CA4: variants seen among roughly 807,000 people sequenced by gnomAD.
CA4 encodes CA-IV.
Under a neutral mutation model 34.5 loss-of-function variants are expected in CA4, and 24 were observed. The ratio of observed to expected loss-of-function variants is 0.70; its 90% CI spans 0.50 to 0.98. The LOEUF (loss-of-function observed/expected upper bound fraction) is 0.98. Among genes scored for constraint, CA4 ranks in the 50% least tolerant of loss-of-function variants. The probability of loss-of-function intolerance (pLI) is 0.00; values close to 1 mark genes in which losing one functional copy is unlikely to be tolerated. For synonymous variants in CA4, 178 were observed against 170.6 expected (o/e 1.04, Z -0.34); for missense variants, 394 against 396.7 (o/e 0.99, Z 0.06).
At chr17:60,168,653 A>G (rs748291575) in intron 5 of CA4, among the ~76,000 whole-genome samples, 42 of 151,998 alleles carry the variant, frequency 2.8e-4, no homozygotes, top group Non-Finnish European at 5.4e-4. Flanking sequence ...TGAAGGGAGC[A>G]GTGAGCAACT....
intron 1 of CA4, among the ~76,000 whole-genome samples, chr17:60,154,964 G>T (rs2083652011): frequency 6.6e-6 from 1 of 152,180 alleles, no homozygotes; most frequent in Admixed American, 6.5e-5. Context: ...CAGGTTTGGG[G>T]TGGGGGAGGT....
intron 7 of CA4, chr17:60,158,855 C>G (rs2083744923): frequency 9.6e-6 from 4 of 416,484 alleles, no homozygotes; most frequent in Non-Finnish European, 1.8e-5. Context: ...ATCCTCAGAG[C>G]TACTGAATCA....
In CA4 at chr17:60,158,370, C is replaced by A; in HGVS notation, c.668C>A (p.Ser223Ter). The change falls in exon 7 of 8, where the codon TCA becomes TAA. Residue 223 changes from serine (S) to a stop codon, truncating the protein, a stop_gained. Coordinates refer to ENST00000300900, the MANE Select transcript of CA4 (RefSeq NM_000717.5). LOFTEE classifies it high-confidence loss of function. ...AGGCACTACTTCCGCTACCTGGGCT[C>A]ACTCACCACACCGACCTGCGATGAG... is the stretch of plus-strand genomic sequence containing the variant. The part of the protein sequence containing the change: ...KLRHYFRYLG[S>*]LTTPTCDEKV... 1 of 1,614,174 alleles carries A rather than the reference C, an allele frequency of 6.2e-7. No individual in the cohort carries two copies. Among genetic ancestry groups the A allele is most frequent in the African/African-American group, 1.3e-5 (1 of 75,048 alleles).
At chr17:60,161,391 TG>T (rs2083786986), downstream of CA4, among the ~76,000 whole-genome samples, 1 of 151,728 alleles carries the variant, frequency 6.6e-6, no homozygotes, top group Non-Finnish European at 1.5e-5. Context: ...AGCCTTGGAG[TG>T]GGGTTGGCTG....
rs772213631 is a variant in CA4, at chr17:60,157,613, G to A, written c.414+41G>A. On this transcript the variant is annotated intron_variant, in intron 4 of 7. Transcript: ENST00000300900. Reference sequence around the variant, plus strand: ...CGACTGGGACCTTGTCTGGGCTCTGGGCGCGCACCTGCCTTGGGCAAGGAG... The same window carrying A: ...CGACTGGGACCTTGTCTGGGCTCTGAGCGCGCACCTGCCTTGGGCAAGGAG... 3.8e-5 allele frequency: 62 copies of A among 1,614,030 alleles called. No homozygotes were observed. In the East Asian group the frequency reaches 1.4e-3, roughly 35 times the overall value.
chr17:60,166,783 C>T (rs1292864040), intron 5 of CA4, among the ~76,000 whole-genome samples: 1 of 152,132 alleles, frequency 6.6e-6, no homozygotes, highest in African/African-American at 2.4e-5. Context: ...ATGGCGAAAC[C>T]CTGTCTCTAC....
Position 60,150,089 on chromosome 17 carries a change from G to A in CA4, c.55G>A (p.Ala19Thr), listed in dbSNP as rs1405732783. The stretch of plus-strand genomic sequence containing the variant: ...CTCCGCGGCGCGGCCATCGGCCAGT[G>A]CAGGTGAGCTCCCGGGCTCCGGCCC... ...ALSAARPSASAESHWCYEVQA... is the reference protein window; with the variant it reads ...ALSAARPSASTESHWCYEVQA... The change falls in exon 1 of 8, where the codon GCA (alanine) becomes ACA (threonine). Residue 19 changes from alanine to threonine, a missense_variant. Ala to Thr is a moderately conservative substitution (Grantham distance 58). Coordinates refer to ENST00000300900, the MANE Select transcript of CA4 (RefSeq NM_000717.5). The A allele has an allele frequency of 1.9e-6, 3 of 1,597,556 alleles. No homozygotes were observed. The highest frequency in any genetic ancestry group is 3.3e-5 in the Admixed American group (2 of 59,872).
chr17:60,159,675 G>A (rs2083763254), downstream of CA4: 6 of 594,710 alleles, frequency 1.0e-5, no homozygotes, highest in Middle Eastern at 8.9e-4. Flanking sequence ...GTACCACCAG[G>A]TGTCCCCACT....
intron 1 of CA4, among the ~76,000 whole-genome samples, chr17:60,155,060 C>G (rs2083653265): frequency 1.3e-5 from 2 of 152,212 alleles, no homozygotes; most frequent in Non-Finnish European, 2.9e-5. Flanking sequence ...GAGGGCTTCC[C>G]TGGAGGGCCA....
At chr17:60,156,301 AACCCTGTTCCC>A (rs1271817139) in intron 2 of CA4, among the ~76,000 whole-genome samples, 1 of 152,188 alleles carries the variant, frequency 6.6e-6, no homozygotes, top group African/African-American at 2.4e-5. Context: ...AACAGTTGGC[AACCCTGTTCCC>A]ACCCTGTTCC....
intron 7 of CA4, 79 bp downstream of exon 7, chr17:60,158,525 T>G (rs1184518812): frequency 2.1e-6 from 3 of 1,422,052 alleles, no homozygotes; most frequent in Non-Finnish European, 2.9e-6. Context: ...CCCTCAGAGG[T>G]CCCTCAGGAT....
At chr17:60,156,388 G>A (rs2083684382) in intron 2 of CA4, among the ~76,000 whole-genome samples, 172 bp from the exon 3 acceptor site, 1 of 152,150 alleles carries the variant, frequency 6.6e-6, no homozygotes, top group East Asian at 1.9e-4. Flanking sequence ...GAGGGCCCAG[G>A]GAGGGCGAGA....
intron 5 of CA4, among the ~76,000 whole-genome samples, chr17:60,165,229 A>G (rs1338139050): frequency 6.6e-6 from 1 of 152,096 alleles, no homozygotes; most frequent in Non-Finnish European, 1.5e-5. Flanking sequence ...TATCCAAGGG[A>G]GAAAACTTAA....
At chr17:60,164,833 A>G (rs2145299367) in intron 5 of CA4, among the ~76,000 whole-genome samples, 1 of 152,078 alleles carries the variant, frequency 6.6e-6, no homozygotes, top group Non-Finnish European at 1.5e-5. Context: ...CAGGTTTACG[A>G]CACAGAAGCC....
intron 2 of CA4, 74 bp from the exon 3 acceptor site, chr17:60,156,486 C>T: frequency 6.7e-7 from 1 of 1,482,740 alleles, no homozygotes; most frequent in Non-Finnish European, 9.4e-7. Flanking sequence ...GTGGGCCTGA[C>T]TTCAGTGGGG....
chr17:60,154,893 A>G (rs1275279089), intron 1 of CA4, among the ~76,000 whole-genome samples: 4 of 152,182 alleles, frequency 2.6e-5, no homozygotes, highest in East Asian at 3.9e-4. Context: ...ACCTGACTCT[A>G]TTGTCCCAGG....
intron 2 of CA4, 23 bp from the exon 3 acceptor site, chr17:60,156,537 G>T: frequency 6.2e-7 from 1 of 1,613,930 alleles, no homozygotes; most frequent in Non-Finnish European, 8.5e-7. Context: ...CCGACTCTCA[G>T]CCCACCTTCT....
intron 5 of CA4, 72 bp from the exon 6 acceptor site, chr17:60,157,989 A>G: frequency 6.3e-7 from 1 of 1,588,072 alleles, no homozygotes; most frequent in Non-Finnish European, 8.6e-7. Flanking sequence ...CCGCCCCCAG[A>G]TCGGGAGAAT....
chr17:60,153,704 G>A (rs747930238), intron 1 of CA4, among the ~76,000 whole-genome samples: 5 of 152,206 alleles, frequency 3.3e-5, no homozygotes, highest in Admixed American at 1.3e-4. Context: ...CTGAGCAAAG[G>A]CAGAGCGGGA....
Sources: allele counts gnomAD v4.1 joint callset (sites outside exome capture counted in the v4.1 genomes callset), GRCh38; gene constraint gnomAD v4.1.1; transcripts MANE v1.5; gene names NCBI Gene and HGNC (gene_info 2026-07-23, HGNC 2026-07-21).